Variants in ZNF717 observed in about 807,000 individuals in gnomAD.
ZNF717 encodes the protein zinc finger protein 717.
Under a neutral mutation model 13.8 loss-of-function variants are expected in ZNF717, and 9 were observed. That is an observed-to-expected ratio of 0.65 (90% CI 0.39 to 1.14). The LOEUF is 1.14. Among genes scored for constraint, ZNF717 ranks in the 50% most tolerant of loss-of-function variants. The pLI is 0.01. For missense variants in ZNF717, 1,040 were observed against 1,080.7 expected (o/e 0.96, Z 0.53); for synonymous variants, 327 against 364.1 (o/e 0.90, Z 1.16).
At chr3:75,701,997 G>A (rs1937706215) in intron 6 of ZNF717, among the ~76,000 whole-genome samples, 1 of 152,312 alleles carries the variant, frequency 6.6e-6, no homozygotes, top group African/African-American at 2.4e-5. Flanking sequence ...ATGTTGGTGA[G>A]TATGTGGAGT....
intron 2 of ZNF717, among the ~76,000 whole-genome samples, chr3:75,749,346 A>C (rs11717462): frequency 0.3 from 45,820 of 151,532 alleles, 8,781 homozygotes; most frequent in Non-Finnish European, 0.42. Context: ...CTGGGTTCCA[A>C]GTGTCTGTCC....
At chr3:75,735,723 G>A (rs1939101487), downstream of ZNF717, among the ~76,000 whole-genome samples, 1 of 150,892 alleles carries the variant, frequency 6.6e-6, no homozygotes. Context: ...AAGAGTGGAG[G>A]ACAAAGCAAG....
intron 2 of ZNF717, among the ~76,000 whole-genome samples, chr3:75,769,732 T>A (rs560850865): frequency 6.6e-6 from 1 of 152,338 alleles, no homozygotes; most frequent in African/African-American, 2.4e-5. Flanking sequence ...CACTTTTTGT[T>A]CTTAACCAAG....
exon 6 of ZNF717, chr3:75,730,428 A>G (rs1489548404): frequency 2.1e-6 from 1 of 472,824 alleles, no homozygotes; most frequent in South Asian, 4.3e-5. Flanking sequence ...TTTTATTTCC[A>G]GGCTATCTGC....
chr3:75,722,854 C>T (rs1423134448), intron 4 of ZNF717, among the ~76,000 whole-genome samples: 1 of 145,998 alleles, frequency 6.8e-6, no homozygotes, highest in Non-Finnish European at 1.5e-5. Flanking sequence ...TATTGTTCTT[C>T]TTCTTTGATC....
chr3:75,777,918 G>A (rs963587873), intron 2 of ZNF717, among the ~76,000 whole-genome samples: 19 of 150,808 alleles, frequency 1.3e-4, no homozygotes, highest in Non-Finnish European at 2.7e-4. Context: ...AAAACAATGC[G>A]AGTGACATGC....
chr3:75,734,158 C>T (rs1454308213), downstream of ZNF717, among the ~76,000 whole-genome samples: 207 of 152,216 alleles, frequency 1.4e-3, no homozygotes, highest in South Asian at 8.9e-3. Context: ...CAACCTCTGC[C>T]TCCCAGGTTC....
intron 2 of ZNF717, among the ~76,000 whole-genome samples, chr3:75,765,587 TG>T (rs1943400352): frequency 6.6e-6 from 1 of 152,094 alleles, no homozygotes; most frequent in Non-Finnish European, 1.5e-5. Context: ...ATTTTTGGTT[TG>T]GTTTTTTTGT....
At chr3:75,721,980 G>A (rs1444564705) in intron 4 of ZNF717, among the ~76,000 whole-genome samples, 1 of 151,864 alleles carries the variant, frequency 6.6e-6, no homozygotes, top group Non-Finnish European at 1.5e-5. Flanking sequence ...GGGTGCGGTG[G>A]CTCACACCTG....
At chr3:75,734,815 ATATTTTTTTT>A (rs1201622114), downstream of ZNF717, among the ~76,000 whole-genome samples, 41 of 43,230 alleles carry the variant, frequency 9.5e-4, no homozygotes, top group African/African-American at 2.6e-3. Context: ...ATATATATAT[ATATTTTTTTT>A]TTTTTTTTTT....
chr3:75,741,587 A>G (rs1432890300), intron 3 of ZNF717, 23 bp downstream of exon 3: 2 of 1,588,188 alleles, frequency 1.3e-6, no homozygotes, highest in African/African-American at 2.7e-5. Flanking sequence ...CAATCCTGGG[A>G]GTTACTGGCA....
Position 75,737,557 on chromosome 3 carries a change from G to T in ZNF717, c.2066C>A (p.Thr689Asn). 7 of 1,551,266 alleles carry T rather than the reference G, an allele frequency of 4.5e-6. No homozygotes were observed. Among genetic ancestry groups the T allele is most frequent in the Non-Finnish European group, 6.1e-6 (7 of 1,146,566 alleles). ...NVEKLFVRNH[T>N]LLYIRELTPG... The stretch of plus-strand genomic sequence containing the variant: ...TGTGAGTTCTCTGATGTATAATAAG[G>T]TATGATTTCTGACAAAAAGTTTTTC... Residue 689 changes from threonine (T) to asparagine (N), a missense_variant, in exon 5 of 5, where the codon ACC becomes AAC. By Grantham distance (65) the Thr-to-Asn change is moderately conservative (BLOSUM62 0). This residue lies in a region of ZNF717 where 873 missense variants were observed against 832.8 expected (regional missense o/e 1.05). Coordinates refer to ENST00000652011, the MANE Select transcript of ZNF717 (RefSeq NM_001290208.3).
intron 2 of ZNF717, among the ~76,000 whole-genome samples, chr3:75,760,172 GC>G (rs1942860061): frequency 6.8e-6 from 1 of 147,706 alleles, no homozygotes; most frequent in Non-Finnish European, 1.5e-5. Flanking sequence ...GGGATTACAG[GC>G]ATCCGCCACC....
exon 5 of ZNF717, chr3:75,716,433 A>C (rs1938055605): frequency 6.6e-6 from 1 of 152,182 alleles, no homozygotes. Context: ...AAAGACAAAA[A>C]GTCTTTTATC....
intron 2 of ZNF717, among the ~76,000 whole-genome samples, chr3:75,746,887 T>C (rs1215019349): frequency 6.6e-6 from 1 of 152,226 alleles, no homozygotes; most frequent in African/African-American, 2.4e-5. Context: ...ATTTGTCAAT[T>C]TTGGCTTTTG....
intron 2 of ZNF717, among the ~76,000 whole-genome samples, chr3:75,753,211 T>C (rs1020835322): frequency 1.3e-5 from 2 of 151,758 alleles, no homozygotes; most frequent in East Asian, 1.9e-4. Context: ...GTCTGAATGT[T>C]TGTCCCTCAC....
intron 4 of ZNF717, among the ~76,000 whole-genome samples, chr3:75,740,442 G>A (rs79269197): frequency 1.3e-5 from 2 of 150,816 alleles, no homozygotes; most frequent in South Asian, 2.1e-4. Context: ...CTCTGTTACT[G>A]AGGCTGGAGT....
intron 2 of ZNF717, among the ~76,000 whole-genome samples, chr3:75,758,026 G>C (rs191732125): frequency 4.0e-5 from 6 of 148,602 alleles, no homozygotes; most frequent in Non-Finnish European, 4.4e-5. Context: ...GCTGAGGCAG[G>C]AGAATTGCTT....
downstream of ZNF717, among the ~76,000 whole-genome samples, chr3:75,735,244 C>T (rs1575746040): frequency 6.6e-6 from 1 of 152,214 alleles, no homozygotes; most frequent in Non-Finnish European, 1.5e-5. Context: ...TATTAGAAGG[C>T]AGTCGAAGTA....
Sources: allele counts gnomAD v4.1 joint callset (sites outside exome capture counted in the v4.1 genomes callset), GRCh38; gene constraint gnomAD v4.1.1; regional missense constraint gnomAD v4.1.1; transcripts MANE v1.5; gene names NCBI Gene and HGNC (gene_info 2026-07-23, HGNC 2026-07-21).